Variants in QRICH1 observed in about 807,000 individuals in gnomAD.
QRICH1 encodes transcriptional regulator QRICH1.
Under a neutral mutation model 87.1 loss-of-function variants are expected in QRICH1, and 16 were observed. That is an observed-to-expected ratio of 0.18 (90% CI 0.12 to 0.28). The LOEUF is 0.28. QRICH1 is among the 10% of genes least tolerant of loss of function. The pLI, the probability that QRICH1 is intolerant of heterozygous loss-of-function variation, is 1.00. For missense variants in QRICH1, 647 were observed against 951.7 expected, an observed-to-expected ratio of 0.68 and a Z score of 4.21; for synonymous variants, 367 against 368.4, an observed-to-expected ratio of 1.00 and a Z score of 0.05.
In QRICH1 at chr3:49,076,889, C is replaced by T; in HGVS notation, c.129G>A (p.Gln43=). The change falls in exon 2 of 10, where the codon CAG becomes CAA. Residue 43 remains glutamine (Q), a synonymous_variant. Coordinates refer to ENST00000395443, the MANE Select transcript of QRICH1 (RefSeq NM_198880.3). ...TAGTGGTGGCTGTCTGCTGGAACTC[C>T]TGAAGGGCTTCTGGCCCCTTAGAGG... ...SLASKGPEAL[Q]EFQQTATTTM... 1 of 1,614,042 alleles carries T rather than the reference C, an allele frequency of 6.2e-7. No homozygotes were observed. Among genetic ancestry groups the T allele is most frequent in the Non-Finnish European group, 8.5e-7 (1 of 1,179,948 alleles).
At chr3:49,093,188 C>T (rs1042675311) in intron 1 of QRICH1, 2 of 152,168 alleles carry the variant, frequency 1.3e-5, no homozygotes, top group African/African-American at 4.8e-5. Flanking sequence ...GGCTCACTGC[C>T]CTCTCAAACC....
At chr3:49,056,129 C>G (rs2093400969) in intron 3 of QRICH1, among the ~76,000 whole-genome samples, 1 of 152,124 alleles carries the variant, frequency 6.6e-6, no homozygotes, top group African/African-American at 2.4e-5. Context: ...GTACCTGCCA[C>G]CATGCCCAGC....
At chr3:49,049,320 C>G (rs2093356814) in intron 3 of QRICH1, among the ~76,000 whole-genome samples, 1 of 151,674 alleles carries the variant, frequency 6.6e-6, no homozygotes, top group Admixed American at 6.6e-5. Context: ...TGGCTCATGC[C>G]TGTAATCTCA....
At chr3:49,082,843 C>T (rs1291469162) in intron 1 of QRICH1, among the ~76,000 whole-genome samples, 4 of 146,568 alleles carry the variant, frequency 2.7e-5, no homozygotes, top group African/African-American at 7.6e-5. Flanking sequence ...TGCAGTGAGC[C>T]GAGACCACAC....
intron 1 of QRICH1, among the ~76,000 whole-genome samples, chr3:49,078,344 C>G (rs1460884984): frequency 2.0e-5 from 3 of 147,656 alleles, no homozygotes; most frequent in Non-Finnish European, 4.4e-5. Flanking sequence ...TATATACCTG[C>G]TGCATTTGAA....
chr3:49,063,466 A>G (rs2093447088), intron 2 of QRICH1, among the ~76,000 whole-genome samples: 1 of 152,230 alleles, frequency 6.6e-6, no homozygotes, highest in Non-Finnish European at 1.5e-5. Context: ...ATTACTGCAG[A>G]ACAGCAGTTT....
At chr3:49,051,514 C>T (rs1363686933) in intron 3 of QRICH1, among the ~76,000 whole-genome samples, 1 of 151,066 alleles carries the variant, frequency 6.6e-6, no homozygotes. Context: ...GTCTCACCCA[C>T]TTTTCCAGTT....
chr3:49,044,832 G>A (rs1249383699), intron 5 of QRICH1, among the ~76,000 whole-genome samples: 2 of 152,066 alleles, frequency 1.3e-5, no homozygotes, highest in African/African-American at 2.4e-5. Context: ...ACATGTGCAA[G>A]TCTTTTAATT....
At chr3:49,082,894 C>CAA (rs76269302) in intron 1 of QRICH1, among the ~76,000 whole-genome samples, 4 of 77,316 alleles carry the variant, frequency 5.2e-5, no homozygotes, top group Non-Finnish European at 5.2e-5. Flanking sequence ...GACTGCGTCT[C>CAA]AAAAAAAAAA....
At chr3:49,059,599 T>C (rs1186771765) in intron 2 of QRICH1, among the ~76,000 whole-genome samples, 1 of 151,000 alleles carries the variant, frequency 6.6e-6, no homozygotes, top group East Asian at 2.0e-4. Flanking sequence ...TCTGTATTTT[T>C]AGTAGAGACG....
At chr3:49,073,543 A>G (rs995091321) in intron 2 of QRICH1, among the ~76,000 whole-genome samples, 8 of 151,758 alleles carry the variant, frequency 5.3e-5, no homozygotes, top group Non-Finnish European at 1.0e-4. Context: ...CCATCTCGAA[A>G]AAAAAAAAAA....
intron 2 of QRICH1, among the ~76,000 whole-genome samples, chr3:49,076,404 G>A (rs545168008): frequency 6.6e-6 from 1 of 152,208 alleles, no homozygotes; most frequent in East Asian, 1.9e-4. Context: ...CGCAAGTCAC[G>A]TTGAACCTGA....
At chr3:49,047,946 A>G (rs1489457446) in intron 3 of QRICH1, among the ~76,000 whole-genome samples, 3 of 151,126 alleles carry the variant, frequency 2.0e-5, no homozygotes, top group Admixed American at 6.6e-5. Flanking sequence ...AAAAGAAAAA[A>G]CAAAACAAAA....
chr3:49,040,516 C>CTA (rs772691875), intron 6 of QRICH1, among the ~76,000 whole-genome samples: 1 of 152,232 alleles, frequency 6.6e-6, no homozygotes, highest in Non-Finnish European at 1.5e-5. Context: ...TCTTGCCTTA[C>CTA]TATAGTGCAA....
chr3:49,091,736 G>C (rs984357951), intron 1 of QRICH1, among the ~76,000 whole-genome samples: 1 of 152,170 alleles, frequency 6.6e-6, no homozygotes, highest in African/African-American at 2.4e-5. Context: ...AAGCTTAATA[G>C]TTAAAAATAA....
intron 2 of QRICH1, among the ~76,000 whole-genome samples, chr3:49,060,520 G>A (rs930834483): frequency 6.6e-6 from 1 of 151,876 alleles, no homozygotes; most frequent in Non-Finnish European, 1.5e-5. Context: ...AGTAGAGACG[G>A]GGTTTCACCA....
chr3:49,032,987 C>T, intron 7 of QRICH1, 133 bp downstream of exon 7: 2 of 927,408 alleles, frequency 2.2e-6, no homozygotes, highest in Non-Finnish European at 3.1e-6. Context: ...AAATAAAATG[C>T]AGCCAAGTGG....
intron 1 of QRICH1, among the ~76,000 whole-genome samples, chr3:49,089,029 G>A (rs1234924084): frequency 1.3e-5 from 2 of 151,682 alleles, no homozygotes; most frequent in Non-Finnish European, 2.9e-5. Flanking sequence ...TGGTTTAGGG[G>A]CATTTTCATC....
chr3:49,063,585 T>A (rs772141184), intron 2 of QRICH1, among the ~76,000 whole-genome samples: 43 of 152,114 alleles, frequency 2.8e-4, no homozygotes, highest in Non-Finnish European at 5.3e-4. Context: ...GCCCAGGAGT[T>A]CGAGATCAAC....
Sources: gnomAD v4.1 joint callset for allele counts (sites outside exome capture counted in the v4.1 genomes callset) on GRCh38, gnomAD v4.1.1 for gene constraint, MANE v1.5 for transcripts, NCBI Gene and HGNC (gene_info 2026-07-23, HGNC 2026-07-21) for gene names.